SPARCL1: variants seen among roughly 807,000 people sequenced by gnomAD.
SPARCL1 encodes the protein SPARC like 1, also known as SPARC-like protein 1.
Under a neutral mutation model 67.1 loss-of-function variants are expected in SPARCL1, and 52 were observed. The ratio of observed to expected loss-of-function variants is 0.78; its 90% CI spans 0.62 to 0.98. The LOEUF (loss-of-function observed/expected upper bound fraction) is 0.98, where lower values mean the gene tolerates loss of function less well. Ranked by LOEUF, SPARCL1 falls within the 50% of genes least tolerant of loss-of-function variation. The pLI is 0.00. For synonymous variants in SPARCL1, 226 were observed against 267.8 expected, an observed-to-expected ratio of 0.84 and a Z score of 1.52; for missense variants, 717 against 782.4, an observed-to-expected ratio of 0.92 and a Z score of 1.00.
At position 87,482,548 on chromosome 4, in the gene SPARCL1, C is replaced by T; in HGVS notation, c.1544G>A (p.Cys515Tyr). 1 of 1,613,908 alleles carries T rather than the reference C, an allele frequency of 6.2e-7. No individual in the cohort carries two copies. Among genetic ancestry groups the T allele is most frequent in the Admixed American group, 1.7e-5 (1 of 60,000 alleles). The change falls in exon 8 of 11, where the codon TGT (cysteine) becomes TAT (tyrosine). Residue 515 changes from cysteine (C) to tyrosine (Y), a missense_variant. Physicochemically the swap from Cys to Tyr is radical, Grantham distance 194 (BLOSUM62 -2). Transcript: ENST00000282470. ...YFGACKSIPT[C>Y]TDFEVIQFPL... Reference sequence around the variant, plus strand: ...AAACTGAATCACTTCAAAGTCCGTACAAGTAGGAATAGCTGTTACAAGCAG... The same window carrying T: ...AAACTGAATCACTTCAAAGTCCGTATAAGTAGGAATAGCTGTTACAAGCAG...
chr4:87,495,558 C>T (rs1724582061), intron 2 of SPARCL1, among the ~76,000 whole-genome samples: 1 of 152,076 alleles, frequency 6.6e-6, no homozygotes, highest in South Asian at 2.1e-4. Context: ...CGATAATTAG[C>T]AGAAAAATTT....
chr4:87,483,813 AT>A (rs1326907493), intron 7 of SPARCL1, among the ~76,000 whole-genome samples: 1 of 151,986 alleles, frequency 6.6e-6, no homozygotes, highest in Non-Finnish European at 1.5e-5. Flanking sequence ...TGTGGTTTTG[AT>A]TTGCATTTCT....
intron 1 of SPARCL1, among the ~76,000 whole-genome samples, chr4:87,523,656 G>A (rs986344472): frequency 7.9e-5 from 12 of 152,122 alleles, no homozygotes; most frequent in South Asian, 2.1e-4. Context: ...TTAAAGATGC[G>A]TATGAAGAGT....
chr4:87,473,926 C>T, intron 10 of SPARCL1, 123 bp from the exon 11 acceptor site: 1 of 620,946 alleles, frequency 1.6e-6, no homozygotes, highest in Non-Finnish European at 2.8e-6. Context: ...TGATCCTCAA[C>T]TTTGGTAGGA....
intron 1 of SPARCL1, among the ~76,000 whole-genome samples, chr4:87,506,801 CT>C (rs1449463747): frequency 6.7e-6 from 1 of 149,478 alleles, no homozygotes; most frequent in Non-Finnish European, 1.5e-5. Context: ...ATCTATCTAT[CT>C]ATCTATCTAT....
intron 7 of SPARCL1, among the ~76,000 whole-genome samples, chr4:87,489,713 C>T (rs1193340024): frequency 1.3e-5 from 2 of 152,152 alleles, no homozygotes; most frequent in African/African-American, 4.8e-5. Context: ...ATGGTCATAC[C>T]TAACGTCCAG....
At chr4:87,486,931 C>CTTTTTTTTTTTTTTTTATT (rs1553968465) in intron 7 of SPARCL1, among the ~76,000 whole-genome samples, 1 of 47,722 alleles carries the variant, frequency 2.1e-5, no homozygotes, top group African/African-American at 8.9e-5. Context: ...TTTTTTTTTG[C>CTTTTTTTTTTTTTTTTATT]TTTCCAATTC....
rs1205859764 is a variant in SPARCL1 at position 87,493,610 on chromosome 4, C to A, written c.1190G>T (p.Gly397Val). Reference protein sequence around the residue: ...REKVHENENIGTTEPGEHQEA... With the variant: ...REKVHENENIVTTEPGEHQEA... ...TTGGTGCTCTCCAGGCTCAGTGGTA[C>A]CTATATTTTCATTTTCATGTACTTT... Residue 397 changes from glycine to valine, a missense_variant, in exon 4 of 11, where the codon GGT becomes GTT. Physicochemically the swap from Gly to Val is moderately radical, Grantham distance 109. Coordinates refer to ENST00000282470, the MANE Select transcript of SPARCL1 (RefSeq NM_004684.6). 6.2e-7 allele frequency: 1 copy of A among 1,612,462 alleles called. No homozygotes were observed. The highest frequency in any genetic ancestry group is 1.7e-5 in the Admixed American group (1 of 59,820).
In SPARCL1 at chr4:87,480,424, C is replaced by A; in HGVS notation, c.1765G>T (p.Val589Leu). The stretch of plus-strand genomic sequence containing the variant: ...CTAAACTGCCAGTGCACAGGATACA[C>A]ATACATGTGGTAGTTTTTCTTAAAG... ...RDFKKNYHMY[V>L]YPVHWQFSEL... Residue 589 changes from valine to leucine, a missense_variant, in exon 9 of 11, where the codon GTG becomes TTG. Coordinates refer to ENST00000282470, the MANE Select transcript of SPARCL1 (RefSeq NM_004684.6). 6.2e-7 allele frequency: 1 copy of A among 1,613,326 alleles called. No homozygotes were observed. Among genetic ancestry groups the A allele is most frequent in the Non-Finnish European group, 8.5e-7 (1 of 1,179,624 alleles).
At chr4:87,504,134 A>AG (rs1553970300) in intron 1 of SPARCL1, among the ~76,000 whole-genome samples, 2 of 73,222 alleles carry the variant, frequency 2.7e-5, no homozygotes, top group South Asian at 5.9e-4. Context: ...GTGATTTGGT[A>AG]TTGTGTGTGT....
chr4:87,505,030 T>C (rs1469582828), intron 1 of SPARCL1: 1 of 152,146 alleles, frequency 6.6e-6, no homozygotes, highest in Non-Finnish European at 1.5e-5. Context: ...TCTAATACAT[T>C]GAAAAACACC....
At chr4:87,513,111 C>A (rs537664081) in intron 1 of SPARCL1, among the ~76,000 whole-genome samples, 3 of 152,244 alleles carry the variant, frequency 2.0e-5, no homozygotes, top group Admixed American at 2.0e-4. Context: ...GTAAGGATGT[C>A]TTGAGGCAGG....
At chr4:87,496,763 C>T (rs1405502647) in intron 2 of SPARCL1, among the ~76,000 whole-genome samples, 1 of 152,162 alleles carries the variant, frequency 6.6e-6, no homozygotes, top group Non-Finnish European at 1.5e-5. Flanking sequence ...ATGGCCTATC[C>T]AGGTGTAAGT....
Position 87,524,336 on chromosome 4 carries a change from A to T in SPARCL1, c.-12+4709T>A, listed in dbSNP as rs551750385. Among the ~76,000 whole-genome samples, 6 of 152,322 alleles carry T rather than the reference A, an allele frequency of 3.9e-5. No individual in the cohort carries two copies. The South Asian group carries it at 8.3e-4, about 21-fold the overall frequency. On this transcript the variant is annotated intron_variant, in intron 1 of 10. Coordinates refer to ENST00000282470, the MANE Select transcript of SPARCL1 (RefSeq NM_004684.6). Reference sequence around the variant, plus strand: ...CTCACTGGGAATTCTAAGTTCAAAAAGGCCATTCATGTCAGAGTTAGATCA... The same window carrying T: ...CTCACTGGGAATTCTAAGTTCAAAATGGCCATTCATGTCAGAGTTAGATCA...
In SPARCL1 at chr4:87,494,370, C is replaced by G. The variant is rs770974089; in HGVS notation, c.430G>C (p.Gly144Arg). 1 of 1,614,098 alleles carries G rather than the reference C, an allele frequency of 6.2e-7. No individual in the cohort carries two copies. The highest frequency in any genetic ancestry group is 1.7e-5 in the Admixed American group (1 of 60,004). ...LSENTDFLAP[G>R]VSSFTDSNQQ... ...TTAGAATCTGTGAAGGAACTAACAC[C>G]AGGAGCCAAAAAATCAGTGTTCTCT... The change falls in exon 4 of 11, where the codon GGT becomes CGT. Residue 144 changes from glycine (G) to arginine (R), a missense_variant. Coordinates refer to ENST00000282470, the MANE Select transcript of SPARCL1 (RefSeq NM_004684.6).
At chr4:87,477,459 TTGG>T (rs1723627816) in intron 10 of SPARCL1, among the ~76,000 whole-genome samples, 1 of 152,178 alleles carries the variant, frequency 6.6e-6, no homozygotes, top group South Asian at 2.1e-4. Flanking sequence ...TGTAGCAGGA[TTGG>T]TCAGTGTGAC....
intron 1 of SPARCL1, among the ~76,000 whole-genome samples, chr4:87,518,468 A>T (rs6532001): frequency 0.26 from 40,217 of 152,106 alleles, 5,583 homozygotes; most frequent in South Asian, 0.41. Flanking sequence ...ATAATAAAAC[A>T]TTTGCTTTTG....
intron 1 of SPARCL1, among the ~76,000 whole-genome samples, chr4:87,501,291 CT>C (rs1724839111): frequency 1.3e-5 from 2 of 152,056 alleles, no homozygotes; most frequent in Non-Finnish European, 2.9e-5. Context: ...TCCCCTTTGT[CT>C]TTTTTCTTCT....
intron 1 of SPARCL1, among the ~76,000 whole-genome samples, chr4:87,503,813 G>A (rs1446698360): frequency 6.6e-6 from 1 of 151,400 alleles, no homozygotes; most frequent in Non-Finnish European, 1.5e-5. Context: ...CAAGTAGCTG[G>A]AATAACAGAC....
Sources: allele counts gnomAD v4.1 joint callset (sites outside exome capture counted in the v4.1 genomes callset), GRCh38; gene constraint gnomAD v4.1.1; transcripts MANE v1.5; gene names NCBI Gene and HGNC (gene_info 2026-07-23, HGNC 2026-07-21).